Variants in PEAK1 observed in about 807,000 individuals in gnomAD.
The protein encoded by PEAK1 is inactive tyrosine-protein kinase PEAK1.
Under a neutral mutation model 124.7 loss-of-function variants are expected in PEAK1, and 54 were observed. The ratio of observed to expected loss-of-function variants is 0.43; its 90% CI spans 0.35 to 0.54. The LOEUF is 0.54. Ranked by LOEUF, PEAK1 falls within the 20% of genes least tolerant of loss-of-function variation. PEAK1 has a pLI of 0.01. For synonymous variants in PEAK1, 719 were observed against 760.0 expected (o/e 0.95, Z 0.89); for missense variants, 2,046 against 2,134.5 (o/e 0.96, Z 0.82).
At chr15:77,361,278 C>CA (rs2067868692) in intron 2 of PEAK1, among the ~76,000 whole-genome samples, 3 of 151,932 alleles carry the variant, frequency 2.0e-5, no homozygotes, top group Admixed American at 2.0e-4. Flanking sequence ...TCCATCTCCG[C>CA]AAAAAATTTA....
chr15:77,168,397 G>C (rs758548568), intron 7 of PEAK1, among the ~76,000 whole-genome samples: 1 of 152,084 alleles, frequency 6.6e-6, no homozygotes, highest in Non-Finnish European at 1.5e-5. Flanking sequence ...AGGGGTAAGC[G>C]AACTTCTGTA....
At chr15:77,326,247 C>T (rs1026908445) in intron 2 of PEAK1, among the ~76,000 whole-genome samples, 7 of 152,058 alleles carry the variant, frequency 4.6e-5, no homozygotes, top group Non-Finnish European at 8.8e-5. Context: ...ACATTAGGGT[C>T]TATTAACTTT....
chr15:77,359,454 C>A lies in PEAK1; in HGVS notation c.-603+5709G>T, dbSNP rs529355005. Among the ~76,000 whole-genome samples, 713 of 147,272 alleles carry A rather than the reference C, an allele frequency of 4.8e-3. 5 individuals are homozygous for A. Among genetic ancestry groups the A allele is most frequent in the African/African-American group, 0.016 (658 of 40,186 alleles). ...GACCTTGTCTCAAAAAAAAAAAAAA[C>A]GGTTTCAGCCAGAGCAGTTAAGAGA... is the stretch of plus-strand genomic sequence containing the variant. On this transcript the variant is annotated intron_variant, in intron 2 of 9. Transcript: ENST00000682557.
chr15:77,142,537 G>A (rs905377112), intron 8 of PEAK1, among the ~76,000 whole-genome samples: 1 of 152,120 alleles, frequency 6.6e-6, no homozygotes, highest in African/African-American at 2.4e-5. Flanking sequence ...ATTTATAATA[G>A]CCAAAAAGTA....
chr15:77,377,916 T>G (rs2141772231), intron 1 of PEAK1, among the ~76,000 whole-genome samples: 1 of 152,230 alleles, frequency 6.6e-6, no homozygotes, highest in South Asian at 2.1e-4. Context: ...AAAATCACCT[T>G]AGAGCCCAAC....
intron 2 of PEAK1, chr15:77,335,198 G>C: frequency 2.0e-6 from 2 of 985,412 alleles, no homozygotes; most frequent in Non-Finnish European, 2.4e-6. Flanking sequence ...CCCAACTTAA[G>C]AGTCCTCTCT....
intron 3 of PEAK1, 149 bp downstream of exon 3, chr15:77,286,274 A>G: frequency 2.5e-6 from 1 of 397,646 alleles, no homozygotes; most frequent in South Asian, 1.4e-4. Context: ...TAGTTTGAAA[A>G]GAGCATGTCT....
intron 2 of PEAK1, among the ~76,000 whole-genome samples, chr15:77,304,441 CAT>C (rs1491437569): frequency 1.6e-5 from 2 of 124,734 alleles, no homozygotes; most frequent in African/African-American, 5.7e-5. Flanking sequence ...CTCCTGTATA[CAT>C]TTTTTTTTTT....
intron 6 of PEAK1, among the ~76,000 whole-genome samples, chr15:77,227,735 T>G (rs1302608201): frequency 6.6e-6 from 1 of 152,130 alleles, no homozygotes; most frequent in African/African-American, 2.4e-5. Context: ...CAGTTGCTCA[T>G]GCCTGTAATC....
intron 7 of PEAK1, among the ~76,000 whole-genome samples, chr15:77,166,939 G>C (rs1208487997): frequency 6.6e-6 from 1 of 152,032 alleles, no homozygotes; most frequent in Non-Finnish European, 1.5e-5. Flanking sequence ...AATTACCTGG[G>C]GAGCTTGTTA....
At chr15:77,386,577 A>T (rs541532981) in intron 1 of PEAK1, among the ~76,000 whole-genome samples, 11 of 152,322 alleles carry the variant, frequency 7.2e-5, no homozygotes, top group Admixed American at 1.3e-4. Context: ...TTAAAAAAAT[A>T]GAAAGGGCTA....
At chr15:77,402,182 A>G (rs979442032) in intron 1 of PEAK1, 38 of 981,614 alleles carry the variant, frequency 3.9e-5, no homozygotes, top group South Asian at 4.7e-5. Context: ...AAAAAAAAAA[A>G]GGGACCAGAT....
intron 6 of PEAK1, among the ~76,000 whole-genome samples, chr15:77,214,464 A>G (rs1345145489): frequency 6.6e-6 from 1 of 151,478 alleles, no homozygotes; most frequent in East Asian, 1.9e-4. Context: ...AAAATACAAA[A>G]AAAAAAAAAA....
At chr15:77,364,402 T>C (rs758016969) in intron 2 of PEAK1, among the ~76,000 whole-genome samples, 1 of 152,106 alleles carries the variant, frequency 6.6e-6, no homozygotes, top group East Asian at 1.9e-4. Flanking sequence ...TGTAAATGAG[T>C]TTGTAAAATA....
chr15:77,355,907 G>A (rs1039485710), intron 2 of PEAK1: 7 of 985,274 alleles, frequency 7.1e-6, no homozygotes, highest in Non-Finnish European at 8.4e-6. Context: ...AAACCCCTGG[G>A]TTGACTAGGA....
At chr15:77,419,564 A>C in intron 1 of PEAK1, 19 of 985,028 alleles carry the variant, frequency 1.9e-5, no homozygotes, top group Non-Finnish European at 2.0e-5. Context: ...GAGCGGGCTG[A>C]CCGTGTGGAC....
chr15:77,249,639 G>A (rs1286448567), intron 6 of PEAK1, among the ~76,000 whole-genome samples: 2 of 152,042 alleles, frequency 1.3e-5, no homozygotes, highest in East Asian at 3.8e-4. Flanking sequence ...TTCTGAACTG[G>A]GCTAGGTGGG....
chr15:77,233,037 G>A (rs958382119), intron 6 of PEAK1, among the ~76,000 whole-genome samples: 46 of 152,040 alleles, frequency 3.0e-4, no homozygotes, highest in African/African-American at 9.9e-4. Context: ...GTGAGCCACC[G>A]CACCCGGTCC....
At chr15:77,268,175 A>G (rs1159757412) in intron 5 of PEAK1, among the ~76,000 whole-genome samples, 1 of 152,190 alleles carries the variant, frequency 6.6e-6, no homozygotes, top group Non-Finnish European at 1.5e-5. Flanking sequence ...AGAAAAAAGA[A>G]TTTTTAAAAA....
Sources: gnomAD v4.1 joint callset for allele counts (sites outside exome capture counted in the v4.1 genomes callset) on GRCh38, gnomAD v4.1.1 for gene constraint, MANE v1.5 for transcripts, NCBI Gene and HGNC (gene_info 2026-07-23, HGNC 2026-07-21) for gene names.